Variants in KLRG2 observed in about 807,000 individuals in gnomAD.
KLRG2 encodes the protein killer cell lectin like receptor G2, also known as killer cell lectin-like receptor subfamily G member 2.
KLRG2 carries 39 observed loss-of-function variants against 35.4 expected under a neutral mutation model. The observed-to-expected ratio is 1.10, with a 90% CI of 0.85 to 1.44. The LOEUF is 1.44. KLRG2 is among the 40% of genes most tolerant of loss of function. The pLI is 0.00. For synonymous variants in KLRG2, 283 were observed against 265.8 expected (o/e 1.06, Z -0.63); for missense variants, 632 against 570.9 (o/e 1.11, Z -1.09).
the KLRG2 span, among the ~76,000 whole-genome samples, chr7:139,445,257 T>G: frequency 0.09 from 13,658 of 152,048 alleles, 1,787 homozygotes; most frequent in African/African-American, 0.29. Context: ...ATGTTTTGTA[T>G]TTTCAGTAGA....
the KLRG2 span, among the ~76,000 whole-genome samples, chr7:139,446,899 C>T: frequency 6.6e-6 from 1 of 152,028 alleles, no homozygotes; most frequent in Non-Finnish European, 1.5e-5. Context: ...ATTTGAAGAT[C>T]CTTAATTTAA....
chr7:139,467,164 C>A (rs577437965), intron 3 of KLRG2, among the ~76,000 whole-genome samples: 1 of 152,262 alleles, frequency 6.6e-6, no homozygotes, highest in Admixed American at 6.5e-5. Context: ...CGCCCCTAAT[C>A]CCGCTCGAAG....
the KLRG2 span, among the ~76,000 whole-genome samples, chr7:139,442,980 A>G: frequency 7.2e-5 from 11 of 152,188 alleles, no homozygotes; most frequent in Non-Finnish European, 1.3e-4. Context: ...AGAATAGACA[A>G]AAGTTTAAAA....
chr7:139,443,162 T>C, the KLRG2 span, among the ~76,000 whole-genome samples: 1 of 147,972 alleles, frequency 6.8e-6, no homozygotes, highest in Non-Finnish European at 1.5e-5. Flanking sequence ...TGGTGTGATC[T>C]TGGCTCACTG....
At chr7:139,463,651 T>C (rs1796605767) in intron 3 of KLRG2, among the ~76,000 whole-genome samples, 1 of 152,146 alleles carries the variant, frequency 6.6e-6, no homozygotes, top group African/African-American at 2.4e-5. Context: ...GGGACCCCAC[T>C]GGAAATCAGA....
chr7:139,428,262 T>C, the KLRG2 span, among the ~76,000 whole-genome samples: 1 of 152,142 alleles, frequency 6.6e-6, no homozygotes, highest in South Asian at 2.1e-4. Context: ...GTTTTTTGTT[T>C]TCAGACAGGG....
chr7:139,454,066 G>A, intron 4 of KLRG2, 45 bp downstream of exon 4: 1 of 1,145,042 alleles, frequency 8.7e-7, no homozygotes, highest in Admixed American at 2.0e-5. Flanking sequence ...GAGAAATGGA[G>A]GATCCAGAAC....
At chr7:139,449,354 T>A (rs1419229787), downstream of KLRG2, among the ~76,000 whole-genome samples, 3 of 152,002 alleles carry the variant, frequency 2.0e-5, no homozygotes, top group African/African-American at 4.8e-5. Context: ...TGAGCAGAGA[T>A]TGTGCCACTG....
chr7:139,439,909 A>T, the KLRG2 span, among the ~76,000 whole-genome samples: 1 of 152,288 alleles, frequency 6.6e-6, no homozygotes, highest in African/African-American at 2.4e-5. Flanking sequence ...AAACCCAGAA[A>T]TTTATTCTGT....
intron 3 of KLRG2, among the ~76,000 whole-genome samples, chr7:139,472,040 G>T (rs573363190): frequency 6.6e-6 from 1 of 152,308 alleles, no homozygotes; most frequent in African/African-American, 2.4e-5. Context: ...ACAGAGCCTG[G>T]ACACCTAATC....
intron 3 of KLRG2, among the ~76,000 whole-genome samples, chr7:139,479,243 C>T (rs12533285): frequency 0.082 from 12,524 of 151,930 alleles, 872 homozygotes; most frequent in East Asian, 0.37. Flanking sequence ...CCACCATGTC[C>T]GGCTAATTTT....
intron 3 of KLRG2, among the ~76,000 whole-genome samples, chr7:139,471,486 ACT>A (rs748654990): frequency 6.6e-6 from 1 of 151,894 alleles, no homozygotes; most frequent in South Asian, 2.1e-4. Context: ...ACATGGTGAA[ACT>A]CTGTCTCTAC....
chr7:139,435,803 G>C, the KLRG2 span, among the ~76,000 whole-genome samples: 1 of 152,162 alleles, frequency 6.6e-6, no homozygotes, highest in Non-Finnish European at 1.5e-5. Flanking sequence ...AGAATCCATT[G>C]TAAGGGTGCC....
At chr7:139,439,317 C>T in the KLRG2 span, among the ~76,000 whole-genome samples, 6,507 of 152,254 alleles carry the variant, frequency 0.043, 173 homozygotes, top group Middle Eastern at 0.068. Flanking sequence ...GGAAGATGGA[C>T]GTGGTGGAAC....
At chr7:139,474,760 C>CA (rs962626968) in intron 3 of KLRG2, among the ~76,000 whole-genome samples, 3 of 151,680 alleles carry the variant, frequency 2.0e-5, no homozygotes, top group Non-Finnish European at 2.9e-5. Flanking sequence ...AACTTTGTCT[C>CA]AAAAAAATAA....
chr7:139,436,575 G>A, the KLRG2 span, among the ~76,000 whole-genome samples: 7 of 111,912 alleles, frequency 6.3e-5, no homozygotes, highest in African/African-American at 2.0e-4. Context: ...GCTGGCCACC[G>A]CAGAAGCAAG....
chr7:139,467,822 A>C (rs1569413410), intron 3 of KLRG2, among the ~76,000 whole-genome samples: 1 of 152,036 alleles, frequency 6.6e-6, no homozygotes, highest in Non-Finnish European at 1.5e-5. Context: ...CCCGACACCC[A>C]GTAAAGGGTC....
chr7:139,459,407 C>T (rs1796531247), intron 3 of KLRG2, among the ~76,000 whole-genome samples: 1 of 152,262 alleles, frequency 6.6e-6, no homozygotes, highest in Non-Finnish European at 1.5e-5. Flanking sequence ...GATCCCCGCC[C>T]TGCTTGGCTC....
intron 3 of KLRG2, among the ~76,000 whole-genome samples, chr7:139,459,509 G>C (rs975094593): frequency 1.2e-4 from 19 of 152,130 alleles, no homozygotes; most frequent in African/African-American, 4.6e-4. Flanking sequence ...AGTCTGAGTC[G>C]TTTGGTACAG....
Sources: allele counts gnomAD v4.1 joint callset (sites outside exome capture counted in the v4.1 genomes callset), GRCh38; gene constraint gnomAD v4.1.1; transcripts MANE v1.5; gene names NCBI Gene and HGNC (gene_info 2026-07-23, HGNC 2026-07-21).